The following ELMO2 variants were observed in gnomAD, a reference collection of about 807,000 sequenced individuals.
ELMO2 encodes engulfment and cell motility protein 2.
ELMO2 carries 37 observed loss-of-function variants against 96.2 expected under a neutral mutation model. The ratio of observed to expected loss-of-function variants is 0.38; its 90% CI spans 0.30 to 0.51. The LOEUF (loss-of-function observed/expected upper bound fraction) is 0.51, where lower values mean the gene tolerates loss of function less well. Among genes scored for constraint, ELMO2 ranks in the 20% least tolerant of loss-of-function variants. The pLI, the probability that ELMO2 is intolerant of heterozygous loss-of-function variation, is 0.88. For synonymous variants in ELMO2, 315 were observed against 329.4 expected (o/e 0.96, Z 0.47); for missense variants, 561 against 912.6 (o/e 0.61, Z 4.96).
chr20:46,370,152 C>T (rs2261964), intron 20 of ELMO2: 535,775 of 536,884 alleles, frequency 1, 267,342 homozygotes, highest in Middle Eastern at 1. Context: ...CAATGTTATA[C>T]ACTATACGAT....
At chr20:46,376,700 C>T in intron 11 of ELMO2, 4 of 1,289,474 alleles carry the variant, frequency 3.1e-6, no homozygotes, top group Non-Finnish European at 4.0e-6. Flanking sequence ...TCTGTCTCAC[C>T]CACCATTATG....
Position 46,371,844 on chromosome 20 carries a change from C to G in ELMO2, c.1542G>C (p.Glu514Asp). The change falls in exon 17 of 22, where the codon GAG (glutamate) becomes GAC (aspartate). Residue 514 changes from glutamate to aspartate, a missense_variant. Transcript: ENST00000290246. The surrounding 1 kb of genome is among the most constrained non-coding windows in gnomAD (Gnocchi z 5.9). ...YSEILRLRQS[E>D]RMSQDDFQSP... ...ACTGGAAGTCATCCTGACTCATCCTCTCAGACTGGCGCAGTCGTAGAATCT... is the reference window on the plus strand; with the variant it reads ...ACTGGAAGTCATCCTGACTCATCCTGTCAGACTGGCGCAGTCGTAGAATCT... The G allele has an allele frequency of 1.9e-6, 3 of 1,614,234 alleles. No homozygotes were observed. The highest frequency in any genetic ancestry group is 2.5e-6 in the Non-Finnish European group (3 of 1,180,032).
rs756238676 is a variant in ELMO2, at chr20:46,371,913, A to C, written c.1473T>G (p.Ser491=). Residue 491 remains serine (S), a synonymous_variant, in exon 17 of 22, where the codon TCT becomes TCG. Transcript: ENST00000290246. This position sits in a 1 kb window ranked among gnomAD's most constrained non-coding sequence, Gnocchi z 5.9. The part of the protein sequence containing the change: ...ITRALPSKPN[S]LDQFKSKLRS... ...GCAATTTGCTCTTGAACTGATCCAA[A>C]GAGTTGGGTTTGGAGGGCAAAGCTC... The C allele has an allele frequency of 6.2e-7, 1 of 1,614,196 alleles. No individual in the cohort carries two copies.
At chr20:46,388,592 CGTGTGTGT>C (rs3079791) in intron 7 of ELMO2, among the ~76,000 whole-genome samples, 2 of 148,030 alleles carry the variant, frequency 1.4e-5, no homozygotes, top group African/African-American at 4.9e-5. Flanking sequence ...CAAAGGAAGG[CGTGTGTGT>C]GTGTGTGTGT....
At chr20:46,386,789 G>A (rs1353403660) in intron 8 of ELMO2, among the ~76,000 whole-genome samples, 2 of 152,162 alleles carry the variant, frequency 1.3e-5, no homozygotes, top group African/African-American at 4.8e-5. Flanking sequence ...AATGATAGCT[G>A]AAGTTCTAGG....
At chr20:46,372,490 G>A (rs1006533049) in intron 16 of ELMO2, among the ~76,000 whole-genome samples, 1 of 152,166 alleles carries the variant, frequency 6.6e-6, no homozygotes, top group Non-Finnish European at 1.5e-5. Context: ...AATTAGCCAG[G>A]TGTGGTGGCT....
rs1455123478 is a variant in ELMO2, at chr20:46,366,468, C to T, written c.*892G>A. 2.6e-5 allele frequency: 4 copies of T among 152,696 alleles called. No individual in the cohort carries two copies. Among genetic ancestry groups the T allele is most frequent in the African/African-American group, 7.2e-5 (3 of 41,442 alleles). 9.5% of individuals were successfully genotyped at this position (152,696 alleles called of 1,614,324 possible). A position where few individuals can be genotyped will look rare whatever the true frequency, so the allele number is the denominator to read the frequency against. On this transcript the variant is annotated 3_prime_UTR_variant, in exon 22 of 22. Coordinates refer to ENST00000290246, the MANE Select transcript of ELMO2 (RefSeq NM_133171.5). ...ATGGCCAATGGCAGAAACCATAGCA[C>T]TAGGAAGGGAAGGCCAACTTCCTGG...
rs566924496 is a variant in ELMO2 at position 46,373,780 on chromosome 20, G to A, written c.1280-245C>T. ...TTACCCACAGGCATGGGGTAGCTTT[G>A]GAATATGATTCAAATTGCCAGTTCA... On this transcript the variant is annotated intron_variant, in intron 15 of 21. Coordinates refer to ENST00000290246, the MANE Select transcript of ELMO2 (RefSeq NM_133171.5). Among the ~76,000 whole-genome samples the A allele has an allele frequency of 2.8e-4, 43 of 152,120 alleles. 2 individuals carry two copies. In the South Asian group the frequency reaches 8.5e-3, roughly 30 times the overall value.
chr20:46,399,758 T>G (rs2060305332), intron 1 of ELMO2, among the ~76,000 whole-genome samples: 2 of 152,330 alleles, frequency 1.3e-5, no homozygotes, highest in South Asian at 4.1e-4. Flanking sequence ...CTTCCACTCC[T>G]GTGAACCAGG....
chr20:46,386,299 A>G (rs377442161), intron 8 of ELMO2, 24 bp from the exon 9 acceptor site: 72 of 1,612,184 alleles, frequency 4.5e-5, no homozygotes, highest in African/African-American at 6.7e-5. Flanking sequence ...TGGCACATCA[A>G]TTGAGAAGCT....
Position 46,367,115 on chromosome 20 carries a change from G to C in ELMO2, c.*245C>G, listed in dbSNP as rs944959464. ...CAAGGGCATCTGCTGTTTGTTCCTC[G>C]TGGCCCAATCCCAGGCTTCATGGTG... On this transcript the variant is annotated 3_prime_UTR_variant, in exon 22 of 22. Coordinates refer to ENST00000290246, the MANE Select transcript of ELMO2 (RefSeq NM_133171.5). The C allele has an allele frequency of 8.0e-6, 3 of 373,412 alleles. No individual in the cohort carries two copies. Among genetic ancestry groups the C allele is most frequent in the African/African-American group, 2.1e-5 (1 of 47,854 alleles). The allele number at this position is 373,412 out of a possible 1,614,324, so 23.1% of individuals were successfully genotyped here. A position where few individuals can be genotyped will look rare whatever the true frequency, so the allele number is the denominator to read the frequency against.
At position 46,371,240 on chromosome 20, in the gene ELMO2, C is replaced by G; in HGVS notation, c.1801+112G>C. On this transcript the variant is annotated intron_variant, in intron 19 of 21. Transcript: ENST00000290246. The surrounding 1 kb of genome is among the most constrained non-coding windows in gnomAD (Gnocchi z 5.9). ...TCGCTGACAGATAAGGAAACAGGTC[C>G]AGAGAGGTAACAGGTACAAGCCCAG... 1 of 1,065,422 alleles carries G rather than the reference C, an allele frequency of 9.4e-7. No homozygotes were observed. The highest frequency in any genetic ancestry group is 1.4e-6 in the Non-Finnish European group (1 of 717,766). The allele number at this position is 1,065,422 out of a possible 1,614,324, so 66.0% of individuals were successfully genotyped here.
intron 6 of ELMO2, among the ~76,000 whole-genome samples, chr20:46,392,056 T>G (rs2060159850): frequency 6.6e-6 from 1 of 152,214 alleles, no homozygotes; most frequent in South Asian, 2.1e-4. Context: ...CCACCATAAC[T>G]TTTTTGTGAG....
chr20:46,406,084 A>G (rs1216039603), intron 1 of ELMO2, among the ~76,000 whole-genome samples: 2 of 152,142 alleles, frequency 1.3e-5, no homozygotes, highest in Admixed American at 6.5e-5. Flanking sequence ...AGCAGGATCC[A>G]CGGGGCGGAC....
chr20:46,395,731 C>T (rs1225177811), intron 2 of ELMO2, among the ~76,000 whole-genome samples: 1 of 152,214 alleles, frequency 6.6e-6, no homozygotes, highest in Non-Finnish European at 1.5e-5. Flanking sequence ...TGACCATTTC[C>T]TAGTCAGAAT....
chr20:46,369,673 A>G (rs2059656349), intron 20 of ELMO2: 1 of 156,302 alleles, frequency 6.4e-6, no homozygotes, highest in Admixed American at 6.5e-5. Flanking sequence ...ATAGAACATA[A>G]TACCACTGAT....
intron 9 of ELMO2, among the ~76,000 whole-genome samples, chr20:46,383,988 G>A (rs1381178915): frequency 6.6e-6 from 1 of 151,922 alleles, no homozygotes. Flanking sequence ...AGGTGTCTAG[G>A]TTGCAAAAAA....
intron 20 of ELMO2, 148 bp downstream of exon 20, chr20:46,370,295 A>G (rs1387799555): frequency 1.3e-6 from 1 of 762,548 alleles, no homozygotes; most frequent in African/African-American, 1.7e-5. Flanking sequence ...CAGAGGTTCC[A>G]TCTATTTTTG....
intron 9 of ELMO2, among the ~76,000 whole-genome samples, chr20:46,385,268 T>C (rs970022178): frequency 3.9e-5 from 6 of 152,118 alleles, no homozygotes; most frequent in African/African-American, 1.2e-4. Flanking sequence ...ATGGTGTAGG[T>C]TGGTTGGAAG....
Sources: allele counts gnomAD v4.1 joint callset (sites outside exome capture counted in the v4.1 genomes callset), GRCh38; gene constraint gnomAD v4.1.1; non-coding constraint Gnocchi (gnomAD v3.1); transcripts MANE v1.5; gene names NCBI Gene and HGNC (gene_info 2026-07-23, HGNC 2026-07-21).